The following TBC1D22A variants were observed in gnomAD, a reference collection of about 807,000 sequenced individuals.
TBC1D22A encodes the protein TBC1 domain family member 22A.
In TBC1D22A, 38 loss-of-function variants were observed where a neutral mutation model predicts 60.2. The ratio of observed to expected loss-of-function variants is 0.63; its 90% CI spans 0.49 to 0.83. The LOEUF (loss-of-function observed/expected upper bound fraction) is 0.83, where lower values mean the gene tolerates loss of function less well. TBC1D22A is among the 40% of genes least tolerant of loss of function. The pLI, the probability that TBC1D22A is intolerant of heterozygous loss-of-function variation, is 0.00. For synonymous variants in TBC1D22A, 302 were observed against 281.7 expected (o/e 1.07, Z -0.72); for missense variants, 628 against 701.0 (o/e 0.90, Z 1.18).
intron 11 of TBC1D22A, among the ~76,000 whole-genome samples, chr22:47,049,736 G>GCT (rs983308280): frequency 2.0e-5 from 3 of 152,182 alleles, no homozygotes; most frequent in Non-Finnish European, 4.4e-5. Context: ...AGTTTTTGTA[G>GCT]CTAATGTTTG....
chr22:46,779,204 C>G (rs955892260), intron 1 of TBC1D22A, among the ~76,000 whole-genome samples: 1 of 152,112 alleles, frequency 6.6e-6, no homozygotes, highest in African/African-American at 2.4e-5. Context: ...TCAGCATCAC[C>G]GCAAACACAG....
intron 8 of TBC1D22A, chr22:46,915,551 T>G (rs976456898): frequency 2.2e-5 from 10 of 456,640 alleles, no homozygotes; most frequent in Non-Finnish European, 4.4e-5. Flanking sequence ...GAGCTGCAGC[T>G]GGCCTGGTTC....
chr22:46,832,824 T>TG (rs1257438963), intron 4 of TBC1D22A, among the ~76,000 whole-genome samples: 3 of 152,222 alleles, frequency 2.0e-5, no homozygotes, highest in African/African-American at 7.2e-5. Context: ...GGTCAGACTT[T>TG]GGCCAGCAGG....
intron 4 of TBC1D22A, among the ~76,000 whole-genome samples, chr22:46,872,268 A>T (rs2147439508): frequency 6.6e-6 from 1 of 152,336 alleles, no homozygotes; most frequent in Admixed American, 6.5e-5. Context: ...ATCTTCCAGG[A>T]TCACTTTCAG....
At chr22:46,942,026 T>TTA (rs75052846) in intron 8 of TBC1D22A, among the ~76,000 whole-genome samples, 30,416 of 137,190 alleles carry the variant, frequency 0.22, 3,653 homozygotes, top group Non-Finnish European at 0.26. Flanking sequence ...TATATATATA[T>TTA]TATATATATA....
chr22:46,882,031 G>T lies in TBC1D22A; in HGVS notation c.708+3308G>T, dbSNP rs1331872771. 6.6e-5 allele frequency among the ~76,000 whole-genome samples: 10 copies of T among 152,154 alleles called. 1 individual carries two copies. Among genetic ancestry groups the T allele is most frequent in the Admixed American group, 6.5e-4 (10 of 15,278 alleles). ...TACAAGAACCTCTGGGACAATGGTG[G>T]GTACTGGGAACTCAGCAGGGAAGGG... is the stretch of plus-strand genomic sequence containing the variant. On this transcript the variant is annotated intron_variant, in intron 5 of 12. Transcript: ENST00000337137.
intron 1 of TBC1D22A, among the ~76,000 whole-genome samples, chr22:46,784,351 A>G (rs557650058): frequency 1.3e-5 from 2 of 152,316 alleles, no homozygotes; most frequent in South Asian, 2.1e-4. Context: ...GTGAGCCACC[A>G]TACCTGGCTG....
At chr22:47,032,192 C>G (rs2062500326) in intron 10 of TBC1D22A, among the ~76,000 whole-genome samples, 1 of 152,154 alleles carries the variant, frequency 6.6e-6, no homozygotes, top group South Asian at 2.1e-4. Flanking sequence ...TGGTGTGCAC[C>G]TTCCCCAGCA....
intron 11 of TBC1D22A, among the ~76,000 whole-genome samples, chr22:47,069,720 C>T (rs1271139623): frequency 2.7e-5 from 3 of 110,534 alleles, no homozygotes; most frequent in Non-Finnish European, 5.4e-5. Flanking sequence ...ACGGTCCTGG[C>T]TGTTCCCGGT....
intron 12 of TBC1D22A, among the ~76,000 whole-genome samples, chr22:47,140,585 A>G (rs563509496): frequency 6.6e-6 from 1 of 151,818 alleles, no homozygotes; most frequent in South Asian, 2.1e-4. Flanking sequence ...AAAGAAAGAA[A>G]GAAAATGCTA....
chr22:47,014,800 TG>T (rs1217269618), intron 10 of TBC1D22A, among the ~76,000 whole-genome samples: 1 of 144,486 alleles, frequency 6.9e-6, no homozygotes, highest in East Asian at 2.2e-4. Flanking sequence ...GTGGGTGTGG[TG>T]GGGGGGACTG....
At chr22:46,999,297 C>A (rs1002072794) in intron 10 of TBC1D22A, among the ~76,000 whole-genome samples, 7 of 152,152 alleles carry the variant, frequency 4.6e-5, no homozygotes, top group African/African-American at 1.7e-4. Flanking sequence ...TTTAGTAAAT[C>A]ATATTTTTAT....
chr22:47,121,030 G>A (rs569274524), intron 12 of TBC1D22A, among the ~76,000 whole-genome samples: 1 of 152,216 alleles, frequency 6.6e-6, no homozygotes, highest in East Asian at 1.9e-4. Flanking sequence ...TCCTTAATAT[G>A]CAGAGAACTC....
intron 4 of TBC1D22A, among the ~76,000 whole-genome samples, chr22:46,842,771 G>A (rs1168428923): frequency 1.3e-5 from 2 of 152,264 alleles, no homozygotes; most frequent in South Asian, 4.1e-4. Context: ...GGGCAGCTTC[G>A]GGAGATGAGT....
rs61030154 is a variant in TBC1D22A, at chr22:47,010,917, C to G, written c.1201+13208C>G. Among the ~76,000 whole-genome samples, 1,116 of 152,292 alleles carry G rather than the reference C, an allele frequency of 7.3e-3. 4 individuals carry two copies. The highest frequency in any genetic ancestry group is 0.026 in the African/African-American group (1,060 of 41,564). On this transcript the variant is annotated intron_variant, in intron 10 of 12. Coordinates refer to ENST00000337137, the MANE Select transcript of TBC1D22A (RefSeq NM_014346.5). ...ATACACCTGGGTTCTAGTTCAGCCT[C>G]GGTCCCTGACTCTGGCCTTGGGCTG...
chr22:47,167,257 T>C (rs2068243084), intron 12 of TBC1D22A, among the ~76,000 whole-genome samples: 2 of 152,238 alleles, frequency 1.3e-5, no homozygotes, highest in Admixed American at 6.5e-5. Context: ...GGAACCTTCA[T>C]GTGCCTGGCT....
At chr22:46,967,962 A>T (rs1032497280) in intron 8 of TBC1D22A, among the ~76,000 whole-genome samples, 25 of 152,126 alleles carry the variant, frequency 1.6e-4, no homozygotes. Flanking sequence ...ACAAGCTACG[A>T]TTCCAGTCCT....
At chr22:46,880,981 C>T (rs976894318) in intron 5 of TBC1D22A, among the ~76,000 whole-genome samples, 15 of 152,106 alleles carry the variant, frequency 9.9e-5, no homozygotes, top group Admixed American at 7.2e-4. Context: ...TGGCATCTTA[C>T]GTGGCATCTC....
intron 4 of TBC1D22A, among the ~76,000 whole-genome samples, chr22:46,842,699 C>T (rs1386464805): frequency 6.6e-6 from 1 of 152,256 alleles, no homozygotes. Context: ...GAACATCAGC[C>T]TTACTGCAGA....
Sources: allele counts gnomAD v4.1 joint callset (sites outside exome capture counted in the v4.1 genomes callset), GRCh38; gene constraint gnomAD v4.1.1; transcripts MANE v1.5; gene names NCBI Gene and HGNC (gene_info 2026-07-23, HGNC 2026-07-21).